Variants in PUS7L observed in about 807,000 individuals in gnomAD.
The protein encoded by PUS7L is pseudouridylate synthase PUS7L.
A neutral mutation model predicts 51.1 loss-of-function variants in PUS7L; 49 were observed. The ratio of observed to expected loss-of-function variants is 0.96; its 90% CI spans 0.76 to 1.22. PUS7L has a LOEUF of 1.22. Among genes scored for constraint, PUS7L ranks in the 50% most tolerant of loss-of-function variants. The pLI, the probability that PUS7L is intolerant of heterozygous loss-of-function variation, is 0.00. For synonymous variants in PUS7L, 277 were observed against 276.2 expected, an observed-to-expected ratio of 1.00 and a Z score of -0.03; for missense variants, 828 against 820.6, an observed-to-expected ratio of 1.01 and a Z score of -0.11.
chr12:43,741,279 C>T (rs1937887048), intron 5 of PUS7L, among the ~76,000 whole-genome samples: 1 of 152,192 alleles, frequency 6.6e-6, no homozygotes, highest in Non-Finnish European at 1.5e-5. Context: ...GACTACAAGT[C>T]CCTTAAATAT....
In PUS7L at chr12:43,728,712, A is replaced by G. The variant is rs1324606622; in HGVS notation, c.*1664T>C. 6.6e-6 allele frequency: 1 copy of G among 152,180 alleles called. No homozygotes were observed. Among genetic ancestry groups the G allele is most frequent in the Non-Finnish European group, 1.5e-5 (1 of 68,028 alleles). 9.4% of individuals were successfully genotyped at this position (152,180 alleles called of 1,614,324 possible). ...ATCATCTTAACAGGAAGGGATTTTCATTTATTTGCTTTTCTCTTCCAAACT... is the reference window on the plus strand; with the variant it reads ...ATCATCTTAACAGGAAGGGATTTTCGTTTATTTGCTTTTCTCTTCCAAACT... On this transcript the variant is annotated 3_prime_UTR_variant, in exon 9 of 9. Transcript: ENST00000344862.
At position 43,724,780 on chromosome 12, in the gene PUS7L, A is replaced by T. The variant is rs1334392207; in HGVS notation, c.*5596T>A. 6.6e-6 allele frequency: 1 copy of T among 152,164 alleles called. No homozygotes were observed. Among genetic ancestry groups the T allele is most frequent in the Non-Finnish European group, 1.5e-5 (1 of 68,014 alleles). 9.4% of individuals were successfully genotyped at this position (152,164 alleles called of 1,614,324 possible). ...TTTCCCATACTCTAATCCTTCATGTATTGGTATCATAATTACTGCTATGTC... is the reference window on the plus strand; with the variant it reads ...TTTCCCATACTCTAATCCTTCATGTTTTGGTATCATAATTACTGCTATGTC... On this transcript the variant is annotated 3_prime_UTR_variant, in exon 9 of 9. Transcript: ENST00000344862.
chr12:43,740,574 T>A (rs1253277768), intron 5 of PUS7L, among the ~76,000 whole-genome samples: 3 of 151,958 alleles, frequency 2.0e-5, no homozygotes, highest in African/African-American at 7.3e-5. Context: ...AATATACAGG[T>A]TGGGGAGGGG....
rs563002926 is a variant in PUS7L, at chr12:43,750,061, A to G, written c.911-1452T>C. On this transcript the variant is annotated intron_variant, in intron 2 of 8. Transcript: ENST00000344862. ...AAACTAACATAAAAATTAAAAAATA[A>G]AATGTGTTCCTTCCATTTATTATTT... is the stretch of plus-strand genomic sequence containing the variant. 9.8e-5 allele frequency among the ~76,000 whole-genome samples: 15 copies of G among 152,326 alleles called. 1 individual carries two copies. The South Asian group carries it at 3.1e-3, about 32-fold the overall frequency.
chr12:43,741,742 G>C (rs1419733638), intron 5 of PUS7L, among the ~76,000 whole-genome samples: 3 of 152,100 alleles, frequency 2.0e-5, no homozygotes, highest in East Asian at 3.8e-4. Context: ...AACATTATTT[G>C]ATATGTAAGA....
Position 43,722,234 on chromosome 12 carries a change from T to C in PUS7L, c.*8142A>G, listed in dbSNP as rs545498879. The C allele has an allele frequency of 6.6e-6, 1 of 152,192 alleles. No individual in the cohort carries two copies. The highest frequency in any genetic ancestry group is 1.9e-4 in the East Asian group (1 of 5,180). 9.4% of individuals were successfully genotyped at this position (152,192 alleles called of 1,614,324 possible). A position where few individuals can be genotyped will look rare whatever the true frequency, so the allele number is the denominator to read the frequency against. ...TACTTGCAGGTGTAAATGTGTTATG[T>C]TGAGGGGTTTGGACTGTTACTGCAT... On this transcript the variant is annotated 3_prime_UTR_variant, in exon 9 of 9. Transcript: ENST00000344862.
chr12:43,754,563 TTTTC>T lies in PUS7L; in HGVS notation c.679_682del (p.Glu227IlefsTer38), dbSNP rs1266742181. On this transcript the variant is annotated frameshift_variant, in exon 2 of 9. Transcript: ENST00000344862. LOFTEE classifies it high-confidence loss of function. The stretch of plus-strand genomic sequence containing the variant: ...ATCAGGTTTAAAGGTAAATTTGGAA[TTTTC>T]TTTCTTTGCATCCAAATATTTAAAA... 1.2e-6 allele frequency: 2 copies of T among 1,609,198 alleles called. No homozygotes were observed. Among genetic ancestry groups the T allele is most frequent in the Admixed American group, 3.4e-5 (2 of 58,840 alleles).
rs1419751397 is a variant in PUS7L, at chr12:43,722,035, G to C, written c.*8341C>G. 1 of 152,104 alleles carries C rather than the reference G, an allele frequency of 6.6e-6. No individual in the cohort carries two copies. 9.4% of individuals were successfully genotyped at this position (152,104 alleles called of 1,614,324 possible). A position where few individuals can be genotyped will look rare whatever the true frequency, so the allele number is the denominator to read the frequency against. Reference sequence around the variant, plus strand: ...GTTTAGACTTGGGTCCCAACTCTAAGAGTATCTCATTATACATGTACAAAT... The same window carrying C: ...GTTTAGACTTGGGTCCCAACTCTAACAGTATCTCATTATACATGTACAAAT... On this transcript the variant is annotated 3_prime_UTR_variant, in exon 9 of 9. Transcript: ENST00000344862.
At chr12:43,758,375 G>A in intron 1 of PUS7L, 1 of 985,634 alleles carries the variant, frequency 1.0e-6, no homozygotes, top group Non-Finnish European at 1.2e-6. Context: ...GTGGGCGGGG[G>A]AGTAGTTTGC....
intron 3 of PUS7L, among the ~76,000 whole-genome samples, chr12:43,747,932 C>T (rs11182247): frequency 0.014 from 2,196 of 152,094 alleles, 54 homozygotes; most frequent in African/African-American, 0.049. Context: ...GGATTACAGG[C>T]GCACGCCATC....
rs768692086 is a variant in PUS7L, at chr12:43,755,212, T to C, written c.34A>G (p.Ser12Gly). The C allele has an allele frequency of 2.5e-6, 4 of 1,606,548 alleles. No homozygotes were observed. The highest frequency in any genetic ancestry group is 3.4e-6 in the Non-Finnish European group (4 of 1,176,664). The change falls in exon 2 of 9, where the codon AGT becomes GGT. Residue 12 changes from serine (S) to glycine (G), a missense_variant. Physicochemically the swap from Ser to Gly is moderately conservative, Grantham distance 56. Coordinates refer to ENST00000344862, the MANE Select transcript of PUS7L (RefSeq NM_031292.5). ...TGATCATTAAAGAAACACAAAGAAC[T>C]AAACCTGATTCTATAATCTGTATCT... ...EEDTDYRIRF[S>G]SLCFFNDHVG...
At chr12:43,748,758 T>C in intron 2 of PUS7L, 149 bp from the exon 3 acceptor site, 1 of 701,058 alleles carries the variant, frequency 1.4e-6, no homozygotes, top group Non-Finnish European at 2.3e-6. Flanking sequence ...GGAGTGTCAC[T>C]CTGTCACCAG....
rs554294978 is a variant in PUS7L, at chr12:43,730,209, A to T, written c.*167T>A. 1.7e-6 allele frequency: 1 copy of T among 605,478 alleles called. No individual in the cohort carries two copies. Among genetic ancestry groups the T allele is most frequent in the South Asian group, 2.1e-5 (1 of 46,548 alleles). The allele number at this position is 605,478 out of a possible 1,614,324, so 37.5% of individuals were successfully genotyped here. A position where few individuals can be genotyped will look rare whatever the true frequency, so the allele number is the denominator to read the frequency against. Reference sequence around the variant, plus strand: ...CTTAAATTTGGACCCTGACACTTACATATCCTCTATAAAATTACAGTATCA... The same window carrying T: ...CTTAAATTTGGACCCTGACACTTACTTATCCTCTATAAAATTACAGTATCA... On this transcript the variant is annotated 3_prime_UTR_variant, in exon 9 of 9. Coordinates refer to ENST00000344862, the MANE Select transcript of PUS7L (RefSeq NM_031292.5).
rs1224888570 is a variant in PUS7L, at chr12:43,748,514, CTG to C, written c.1004_1005del (p.Ala335GlyfsTer3). 1.2e-6 allele frequency: 2 copies of C among 1,611,974 alleles called. No individual in the cohort carries two copies. Among genetic ancestry groups the C allele is most frequent in the South Asian group, 2.2e-5 (2 of 90,432 alleles). On this transcript the variant is annotated frameshift_variant, in exon 3 of 9. Transcript: ENST00000344862. LOFTEE classifies it high-confidence loss of function. ...LGVIPSDFSYAGLKDKKAITY... is the reference protein window; with the variant it reads ...LGVIPSDFSYXGLKDKKAITY... ...GTGATGGCTTTCTTGTCTTTAAGGC[CTG>C]CATAACTAAAATCCGAAGGAATAAC... is the stretch of plus-strand genomic sequence containing the variant.
intron 2 of PUS7L, 57 bp downstream of exon 2, chr12:43,754,279 C>G: frequency 8.2e-7 from 1 of 1,216,602 alleles, no homozygotes; most frequent in Non-Finnish European, 1.2e-6. Context: ...TTCATTTTCA[C>G]AATTTTAAAT....
At chr12:43,742,889 C>G (rs996123687) in intron 4 of PUS7L, among the ~76,000 whole-genome samples, 3 of 151,978 alleles carry the variant, frequency 2.0e-5, no homozygotes, top group African/African-American at 7.2e-5. Context: ...TCACCTAGTA[C>G]CAAGATCTGA....
chr12:43,734,137 C>T (rs1944627193), intron 7 of PUS7L, among the ~76,000 whole-genome samples: 1 of 152,182 alleles, frequency 6.6e-6, no homozygotes, highest in African/African-American at 2.4e-5. Context: ...TACTGCAGTT[C>T]ACACTTTCTG....
rs1341638914 is a variant in PUS7L at position 43,720,500 on chromosome 12, A to G, written c.*9876T>C. On this transcript the variant is annotated 3_prime_UTR_variant, in exon 9 of 9. Coordinates refer to ENST00000344862, the MANE Select transcript of PUS7L (RefSeq NM_031292.5). ...CAAAAAACAAAAAATAAATAAGTGCATCTCTTAATTTCTGATATATAGAGA... is the reference window on the plus strand; with the variant it reads ...CAAAAAACAAAAAATAAATAAGTGCGTCTCTTAATTTCTGATATATAGAGA... The G allele has an allele frequency of 6.6e-6, 1 of 152,162 alleles. No individual in the cohort carries two copies. The highest frequency in any genetic ancestry group is 1.5e-5 in the Non-Finnish European group (1 of 68,028). 9.4% of individuals were successfully genotyped at this position (152,162 alleles called of 1,614,324 possible).
At chr12:43,758,198 G>A in intron 1 of PUS7L, 1 of 473,828 alleles carries the variant, frequency 2.1e-6, no homozygotes, top group South Asian at 8.9e-5. Flanking sequence ...GAAAAAAGGA[G>A]GAAGACAGAC....
Sources: gnomAD v4.1 joint callset for allele counts (sites outside exome capture counted in the v4.1 genomes callset) on GRCh38, gnomAD v4.1.1 for gene constraint, MANE v1.5 for transcripts, NCBI Gene and HGNC (gene_info 2026-07-23, HGNC 2026-07-21) for gene names.